CSMD1: variants seen among roughly 807,000 people sequenced by gnomAD.
The protein encoded by CSMD1 is CUB and sushi domain-containing protein 1.
A neutral mutation model predicts 417.5 loss-of-function variants in CSMD1; 213 were observed. The observed-to-expected ratio is 0.51, with a 90% confidence interval of 0.46 to 0.57. The LOEUF (loss-of-function observed/expected upper bound fraction) is 0.57. Ranked by LOEUF, CSMD1 falls within the 20% of genes least tolerant of loss-of-function variation. The pLI is 0.00. For missense variants in CSMD1, 6,923 were observed against 4,529.7 expected, an observed-to-expected ratio of 1.53 and a Z score of -15.17; for synonymous variants, 2,862 against 1,736.8, an observed-to-expected ratio of 1.65 and a Z score of -16.11.
At chr8:3,356,583 G>GATGAGGCAGT (rs1808808073) in intron 21 of CSMD1, among the ~76,000 whole-genome samples, 1 of 152,200 alleles carries the variant, frequency 6.6e-6, no homozygotes, top group Admixed American at 6.5e-5. Context: ...GATGAGGCAG[G>GATGAGGCAGT]AGAATTGCTT....
At chr8:3,786,608 G>C (rs772326836) in intron 5 of CSMD1, among the ~76,000 whole-genome samples, 1 of 152,170 alleles carries the variant, frequency 6.6e-6, no homozygotes, top group Admixed American at 6.5e-5. Flanking sequence ...GGCTCTCTCA[G>C]CAAAGCAGTT....
chr8:3,102,918 T>A (rs1194216814), intron 46 of CSMD1, among the ~76,000 whole-genome samples: 2 of 152,140 alleles, frequency 1.3e-5, no homozygotes, highest in South Asian at 4.1e-4. Flanking sequence ...CAACGAGTTT[T>A]ATTAGCGGTC....
chr8:3,151,394 T>C lies in CSMD1; in HGVS notation c.6031+3A>G. ...TTTAGGAATTGGTAACATTTTCACT[T>C]ACCATAGCCGATGGGTAATGAGATC... On this transcript the variant is annotated splice_donor_region_variant and intron_variant, in intron 40 of 69. Coordinates refer to ENST00000635120, the MANE Select transcript of CSMD1 (RefSeq NM_033225.6). 1 of 1,592,192 alleles carries C rather than the reference T, an allele frequency of 6.3e-7. No individual in the cohort carries two copies. The highest frequency in any genetic ancestry group is 8.6e-7 in the Non-Finnish European group (1 of 1,161,162).
intron 3 of CSMD1, among the ~76,000 whole-genome samples, chr8:4,063,515 G>T (rs1799088123): frequency 6.6e-6 from 1 of 152,224 alleles, no homozygotes; most frequent in East Asian, 1.9e-4. Flanking sequence ...ACTATTCTGT[G>T]TGCCACAGTT....
chr8:3,741,012 C>G (rs1196328322), intron 6 of CSMD1, among the ~76,000 whole-genome samples: 1 of 151,910 alleles, frequency 6.6e-6, no homozygotes, highest in East Asian at 1.9e-4. Flanking sequence ...GTCAGGATTT[C>G]CAGACCAGCC....
At chr8:3,794,153 C>G (rs932998520) in intron 5 of CSMD1, among the ~76,000 whole-genome samples, 1 of 152,148 alleles carries the variant, frequency 6.6e-6, no homozygotes, top group Non-Finnish European at 1.5e-5. Flanking sequence ...TTCCCATTAT[C>G]CCAGCAAATG....
intron 3 of CSMD1, among the ~76,000 whole-genome samples, chr8:4,356,117 C>A (rs962113893): frequency 6.6e-6 from 1 of 152,168 alleles, no homozygotes; most frequent in Non-Finnish European, 1.5e-5. Flanking sequence ...TCCTAGTCTT[C>A]CCCTCAAGTT....
In CSMD1 at chr8:3,460,660, C is replaced by T. The variant is rs6981833; in HGVS notation, c.1561+8052G>A. The stretch of plus-strand genomic sequence containing the variant: ...AGGATATTTACTAGACGGAACTGAC[C>T]GAAATTCGTGGAGAAAAAGAGAACA... On this transcript the variant is annotated intron_variant, in intron 12 of 69. Coordinates refer to ENST00000635120, the MANE Select transcript of CSMD1 (RefSeq NM_033225.6). 1.8e-4 allele frequency among the ~76,000 whole-genome samples: 27 copies of T among 151,984 alleles called. 1 individual carries two copies. The South Asian group carries it at 4.0e-3, about 22-fold the overall frequency.
At chr8:3,410,743 A>G (rs1460054537) in intron 12 of CSMD1, among the ~76,000 whole-genome samples, 1 of 152,120 alleles carries the variant, frequency 6.6e-6, no homozygotes, top group Non-Finnish European at 1.5e-5. Flanking sequence ...ATTTTTTAAA[A>G]TTATTATTTT....
At position 3,188,982 on chromosome 8, in the gene CSMD1, T is replaced by G; in HGVS notation, c.5428A>C (p.Arg1810=). 6.2e-7 allele frequency: 1 copy of G among 1,613,366 alleles called. No homozygotes were observed. Among genetic ancestry groups the G allele is most frequent in the Non-Finnish European group, 8.5e-7 (1 of 1,179,584 alleles). ...TAGCCGGGGGACAGGATTGTACCTC[T>G]TCGTTGAGTGAAATTGCCACTGCAG... The part of the protein sequence containing the change: ...VPCSGNFTQR[R]GTILSPGYPE... The change falls in exon 35 of 70, where the codon AGA becomes CGA. Residue 1810 remains arginine, a synonymous_variant. Coordinates refer to ENST00000635120, the MANE Select transcript of CSMD1 (RefSeq NM_033225.6).
chr8:2,947,817 T>G (rs1480724526), intron 68 of CSMD1, among the ~76,000 whole-genome samples: 1 of 152,164 alleles, frequency 6.6e-6, no homozygotes, highest in Non-Finnish European at 1.5e-5. Flanking sequence ...CTCAAAATAA[T>G]ATAACCCAAT....
chr8:4,210,173 C>G (rs1299977479), intron 3 of CSMD1, among the ~76,000 whole-genome samples: 1 of 152,224 alleles, frequency 6.6e-6, no homozygotes, highest in African/African-American at 2.4e-5. Flanking sequence ...GATGCTGCCT[C>G]AGCCCATCTG....
At chr8:3,374,755 G>T (rs980980118) in intron 18 of CSMD1, among the ~76,000 whole-genome samples, 1 of 152,030 alleles carries the variant, frequency 6.6e-6, no homozygotes, top group African/African-American at 2.4e-5. Flanking sequence ...AGGATCCTAC[G>T]GCTTCCTACT....
chr8:3,855,999 T>C (rs369758186), intron 5 of CSMD1, among the ~76,000 whole-genome samples: 2 of 152,306 alleles, frequency 1.3e-5, no homozygotes, highest in Middle Eastern at 3.4e-3. Context: ...ATCAATTTTT[T>C]TTTGTTTTTT....
chr8:3,522,923 C>A (rs1203957044), intron 10 of CSMD1, among the ~76,000 whole-genome samples: 2 of 148,736 alleles, frequency 1.3e-5, no homozygotes, highest in African/African-American at 4.9e-5. Context: ...TATAAAATAT[C>A]AATATATTTA....
intron 1 of CSMD1, among the ~76,000 whole-genome samples, chr8:4,815,694 CAA>C (rs1218931391): frequency 0.092 from 6,239 of 67,596 alleles, 132 homozygotes; most frequent in East Asian, 0.25. Flanking sequence ...AAAGCTGTCT[CAA>C]AAAAAAAAAA....
chr8:4,975,802 T>C (rs979128547), intron 1 of CSMD1, among the ~76,000 whole-genome samples: 10 of 152,130 alleles, frequency 6.6e-5, no homozygotes, highest in African/African-American at 2.2e-4. Flanking sequence ...TCATGAATAG[T>C]GTATGCATTT....
intron 3 of CSMD1, among the ~76,000 whole-genome samples, chr8:4,240,243 T>A (rs1286792334): frequency 1.3e-5 from 2 of 152,242 alleles, no homozygotes; most frequent in African/African-American, 4.8e-5. Context: ...CTAACCTGTT[T>A]CATGAGGGGC....
intron 3 of CSMD1, among the ~76,000 whole-genome samples, chr8:4,060,301 A>G (rs990317916): frequency 3.9e-5 from 6 of 152,196 alleles, no homozygotes; most frequent in African/African-American, 9.7e-5. Context: ...TCTCAGAATA[A>G]TAAGAGTTAT....
Sources: gnomAD v4.1 joint callset for allele counts (sites outside exome capture counted in the v4.1 genomes callset) on GRCh38, gnomAD v4.1.1 for gene constraint, MANE v1.5 for transcripts, NCBI Gene and HGNC (gene_info 2026-07-23, HGNC 2026-07-21) for gene names.